The following SIPA1L1 variants were observed in gnomAD, a reference collection of about 807,000 sequenced individuals.
SIPA1L1 encodes the protein signal induced proliferation associated 1 like 1, also known as signal-induced proliferation-associated 1-like protein 1.
A neutral mutation model predicts 162.7 loss-of-function variants in SIPA1L1; 26 were observed. The ratio of observed to expected loss-of-function variants is 0.16; its 90% CI spans 0.12 to 0.22. SIPA1L1 has a LOEUF of 0.22. SIPA1L1 is among the 10% of genes least tolerant of loss of function. The pLI is 1.00. For missense variants in SIPA1L1, 1,874 were observed against 2,241.0 expected (o/e 0.84, Z 3.31); for synonymous variants, 829 against 837.4 (o/e 0.99, Z 0.17).
intron 2 of SIPA1L1, among the ~76,000 whole-genome samples, chr14:71,482,567 G>A (rs1214380642): frequency 6.6e-6 from 1 of 152,160 alleles, no homozygotes; most frequent in Non-Finnish European, 1.5e-5. Context: ...CAAAGTGTGT[G>A]GAAACGCGCC....
chr14:71,389,141 A>G (rs904912435), intron 2 of SIPA1L1, among the ~76,000 whole-genome samples: 8 of 152,224 alleles, frequency 5.3e-5, no homozygotes, highest in Non-Finnish European at 8.8e-5. Flanking sequence ...TGTTTCAAAG[A>G]TAGGAAGACT....
intron 2 of SIPA1L1, among the ~76,000 whole-genome samples, chr14:71,504,135 T>G (rs2050464445): frequency 6.6e-6 from 1 of 152,182 alleles, no homozygotes; most frequent in Admixed American, 6.6e-5. Flanking sequence ...ATAAAAATAT[T>G]CTTGTCTCTG....
intron 12 of SIPA1L1, among the ~76,000 whole-genome samples, chr14:71,674,318 A>C (rs1233611882): frequency 6.6e-6 from 1 of 152,140 alleles, no homozygotes; most frequent in Non-Finnish European, 1.5e-5. Context: ...CAGACATCGA[A>C]ATTGGAAATA....
rs986979182 is a variant in SIPA1L1, at chr14:71,328,813, A to C, written c.-465+7632A>C. Among the ~76,000 whole-genome samples, 3 of 152,222 alleles carry C rather than the reference A, an allele frequency of 2.0e-5. No homozygotes were observed. The East Asian group carries it at 5.8e-4, about 29-fold the overall frequency. ...AAAAACAGAAAAAGTTGACCATTTC[A>C]ACCATTTTTAAGTATATAGTTCAGT... On this transcript the variant is annotated intron_variant, in intron 2 of 23. Transcript: ENST00000381232.
chr14:71,339,633 GGATTATAGGCGT>G (rs2035447315), intron 2 of SIPA1L1, among the ~76,000 whole-genome samples: 2 of 152,100 alleles, frequency 1.3e-5, no homozygotes, highest in African/African-American at 4.8e-5. Context: ...AAAAGTGCTG[GGATTATAGGCGT>G]GAGCCACCGT....
At chr14:71,480,193 C>G (rs1014073670) in intron 2 of SIPA1L1, among the ~76,000 whole-genome samples, 10 of 151,606 alleles carry the variant, frequency 6.6e-5, no homozygotes, top group Non-Finnish European at 1.0e-4. Context: ...AGCGATTCTC[C>G]TGCCTCAGCC....
chr14:71,480,071 GTGTTTTTTTTGTTTTT>G lies in SIPA1L1; in HGVS notation c.-464-32661_-464-32646del, dbSNP rs933708863. Among the ~76,000 whole-genome samples, 50 of 151,230 alleles carry G rather than the reference GTGTTTTTTTTGTTTTT, an allele frequency of 3.3e-4. No individual in the cohort carries two copies. In the South Asian group the frequency reaches 6.3e-3, roughly 19 times the overall value. On this transcript the variant is annotated intron_variant, in intron 2 of 23. Coordinates refer to ENST00000381232, the MANE Select transcript of SIPA1L1 (RefSeq NM_001386936.1). ...GTTTTTAAATACAAAGTTTAGACTA[GTGTTTTTTTTGTTTTT>G]TGTTTTTTTTTTTGAGACGGAGTCT... is the stretch of plus-strand genomic sequence containing the variant.
intron 10 of SIPA1L1, among the ~76,000 whole-genome samples, chr14:71,662,580 A>G (rs1417675722): frequency 6.6e-6 from 1 of 152,208 alleles, no homozygotes; most frequent in Non-Finnish European, 1.5e-5. Flanking sequence ...GTTTGATTCT[A>G]GAGCCCAGTC....
At chr14:71,613,647 C>T (rs1016810146) in intron 5 of SIPA1L1, among the ~76,000 whole-genome samples, 1 of 152,134 alleles carries the variant, frequency 6.6e-6, no homozygotes, top group African/African-American at 2.4e-5. Context: ...TTCTTTGACA[C>T]ACTTCATCTG....
intron 12 of SIPA1L1, among the ~76,000 whole-genome samples, chr14:71,683,772 T>A (rs779814645): frequency 6.6e-6 from 1 of 152,200 alleles, no homozygotes; most frequent in African/African-American, 2.4e-5. Flanking sequence ...CTAAAAGTAA[T>A]GTCAAATGTG....
At chr14:71,323,300 T>G (rs1371369007) in intron 2 of SIPA1L1, among the ~76,000 whole-genome samples, 1 of 152,226 alleles carries the variant, frequency 6.6e-6, no homozygotes, top group Admixed American at 6.5e-5. Flanking sequence ...CAATCTGAAT[T>G]TTTAGATAAA....
In SIPA1L1 at chr14:71,672,532, T is replaced by G. The variant is rs1246981275; in HGVS notation, c.3014T>G (p.Leu1005Arg). 1 of 1,613,822 alleles carries G rather than the reference T, an allele frequency of 6.2e-7. No individual in the cohort carries two copies. Among genetic ancestry groups the G allele is most frequent in the Admixed American group, 1.7e-5 (1 of 59,988 alleles). Residue 1005 changes from leucine to arginine, a missense_variant, in exon 12 of 24, where the codon CTG becomes CGG. Transcript: ENST00000381232. ...VEICKVAVATLSHEQMIDLLR... is the reference protein window; with the variant it reads ...VEICKVAVATRSHEQMIDLLR... ...ATCTGCAAGGTGGCGGTAGCCACTCTGAGCCATGAGCAGATGATCGACCTC... is the reference window on the plus strand; with the variant it reads ...ATCTGCAAGGTGGCGGTAGCCACTCGGAGCCATGAGCAGATGATCGACCTC...
At chr14:71,520,110 G>T (rs183666027) in intron 3 of SIPA1L1, among the ~76,000 whole-genome samples, 2 of 152,106 alleles carry the variant, frequency 1.3e-5, no homozygotes, top group East Asian at 3.9e-4. Context: ...TCAAAAAAAT[G>T]AAAAAACAAA....
At chr14:71,519,977 G>A (rs2144806828) in intron 3 of SIPA1L1, among the ~76,000 whole-genome samples, 1 of 151,730 alleles carries the variant, frequency 6.6e-6, no homozygotes, top group Middle Eastern at 3.4e-3. Context: ...TGTGGTGGCA[G>A]CACACACCTA....
chr14:71,339,714 C>G (rs1416871562), intron 2 of SIPA1L1, among the ~76,000 whole-genome samples: 1 of 152,140 alleles, frequency 6.6e-6, no homozygotes, highest in Non-Finnish European at 1.5e-5. Context: ...AGGAGCCACT[C>G]TATCTTCATT....
intron 4 of SIPA1L1, among the ~76,000 whole-genome samples, chr14:71,538,585 A>G (rs1195106630): frequency 6.6e-6 from 1 of 152,212 alleles, no homozygotes; most frequent in Non-Finnish European, 1.5e-5. Flanking sequence ...TTCATTGTCA[A>G]GTTCACTGTC....
intron 2 of SIPA1L1, among the ~76,000 whole-genome samples, chr14:71,350,743 A>T (rs1410128263): frequency 6.6e-6 from 1 of 152,204 alleles, no homozygotes; most frequent in Non-Finnish European, 1.5e-5. Flanking sequence ...TTCTGTGCTA[A>T]TCTTGTTTTC....
chr14:71,378,665 ACTT>A (rs2039625063), intron 2 of SIPA1L1, among the ~76,000 whole-genome samples: 1 of 151,256 alleles, frequency 6.6e-6, no homozygotes. Flanking sequence ...GTTTTTCAGA[ACTT>A]CTAGGTCATT....
intron 22 of SIPA1L1, among the ~76,000 whole-genome samples, 161 bp from the exon 23 acceptor site, chr14:71,738,080 T>C (rs2085458305): frequency 6.6e-6 from 1 of 151,946 alleles, no homozygotes; most frequent in Non-Finnish European, 1.5e-5. Context: ...ATTTTCTTTT[T>C]TAAAGTAAAA....
Sources: allele counts gnomAD v4.1 joint callset (sites outside exome capture counted in the v4.1 genomes callset), GRCh38; gene constraint gnomAD v4.1.1; transcripts MANE v1.5; gene names NCBI Gene and HGNC (gene_info 2026-07-23, HGNC 2026-07-21).